Variants in CNOT4 observed in about 807,000 individuals in gnomAD.
The protein encoded by CNOT4 is CCR4-NOT transcription complex subunit 4, also known as CCR4-associated factor 4.
In CNOT4, 8 loss-of-function variants were observed where a neutral mutation model predicts 73.8. That is an observed-to-expected ratio of 0.11 (90% CI 0.06 to 0.20). The LOEUF (loss-of-function observed/expected upper bound fraction) is 0.20, where lower values mean the gene tolerates loss of function less well. Among genes scored for constraint, CNOT4 ranks in the 10% least tolerant of loss-of-function variants. The pLI is 1.00. For missense variants in CNOT4, 564 were observed against 883.4 expected (o/e 0.64, Z 4.58); for synonymous variants, 293 against 321.1 (o/e 0.91, Z 0.94).
At chr7:135,495,748 A>G (rs940146156) in intron 1 of CNOT4, among the ~76,000 whole-genome samples, 31 of 129,246 alleles carry the variant, frequency 2.4e-4, no homozygotes, top group Admixed American at 5.4e-4. Context: ...GAAAGAAAGA[A>G]AGAAAGAAAG....
rs147242152 is a variant in CNOT4, at chr7:135,441,973, A to G, written c.-92-3550T>C. ...GAAGCCAGCTGCCAAAAGTAATCTC[A>G]TAAATGGTAAAAGGTAGGAGGAGGG... On this transcript the variant is annotated intron_variant, in intron 1 of 11. Coordinates refer to ENST00000541284, the MANE Select transcript of CNOT4 (RefSeq NM_001190850.2). Among the ~76,000 whole-genome samples, 6 of 152,058 alleles carry G rather than the reference A, an allele frequency of 3.9e-5. No individual in the cohort carries two copies. The East Asian group carries it at 1.2e-3, about 29-fold the overall frequency.
At chr7:135,427,809 A>C (rs1798590768) in intron 2 of CNOT4, among the ~76,000 whole-genome samples, 1 of 152,146 alleles carries the variant, frequency 6.6e-6, no homozygotes, top group African/African-American at 2.4e-5. Flanking sequence ...TACTGGAAAA[A>C]TCCCAAGCCA....
intron 1 of CNOT4, among the ~76,000 whole-genome samples, chr7:135,506,959 G>C (rs1038983823): frequency 7.2e-5 from 11 of 152,062 alleles, no homozygotes; most frequent in South Asian, 6.2e-4. Context: ...TCCTTTTAAA[G>C]CCAAGATTAG....
intron 1 of CNOT4, among the ~76,000 whole-genome samples, chr7:135,447,743 T>C (rs911380097): frequency 6.6e-6 from 1 of 152,096 alleles, no homozygotes; most frequent in Non-Finnish European, 1.5e-5. Flanking sequence ...TTGGAAGAGA[T>C]TCAAAATACA....
chr7:135,425,976 C>T (rs1309996375), intron 2 of CNOT4, among the ~76,000 whole-genome samples: 2 of 151,926 alleles, frequency 1.3e-5, no homozygotes, highest in Non-Finnish European at 2.9e-5. Context: ...ACCTGTAATT[C>T]CAGCACTTAG....
At chr7:135,401,686 C>T (rs1176664666) in intron 7 of CNOT4, among the ~76,000 whole-genome samples, 2 of 152,024 alleles carry the variant, frequency 1.3e-5, no homozygotes, top group East Asian at 3.8e-4. Context: ...CCAATTCTAT[C>T]CTCAAGGATA....
At chr7:135,400,075 A>G (rs1796921206) in intron 7 of CNOT4, among the ~76,000 whole-genome samples, 1 of 152,138 alleles carries the variant, frequency 6.6e-6, no homozygotes, top group Admixed American at 6.5e-5. Flanking sequence ...TTCAAATTTA[A>G]GTAGGTCCTT....
rs142666006 is a variant in CNOT4, at chr7:135,453,173, T to A, written c.-92-14750A>T. Among the ~76,000 whole-genome samples the A allele has an allele frequency of 2.4e-3, 363 of 152,288 alleles. 1 individual carries two copies. The highest frequency in any genetic ancestry group is 3.9e-3 in the Non-Finnish European group (265 of 68,020). On this transcript the variant is annotated intron_variant, in intron 1 of 11. Coordinates refer to ENST00000541284, the MANE Select transcript of CNOT4 (RefSeq NM_001190850.2). ...TATAAATTAGTCTTTTTAGAGATACTTCTGTACATCAATTTACAGTATACC... is the reference window on the plus strand; with the variant it reads ...TATAAATTAGTCTTTTTAGAGATACATCTGTACATCAATTTACAGTATACC...
intron 10 of CNOT4, among the ~76,000 whole-genome samples, chr7:135,370,292 A>G (rs538563417): frequency 6.6e-6 from 1 of 151,038 alleles, no homozygotes; most frequent in South Asian, 2.1e-4. Context: ...AAACAACAAC[A>G]ACAAAAAAGG....
At chr7:135,487,013 C>CAAAA (rs936131514) in intron 1 of CNOT4, among the ~76,000 whole-genome samples, 2 of 152,052 alleles carry the variant, frequency 1.3e-5, no homozygotes, top group Non-Finnish European at 2.9e-5. Flanking sequence ...ATTAAGCATC[C>CAAAA]AAAAATGTGA....
chr7:135,386,921 T>G (rs1162798899), intron 10 of CNOT4: 1 of 209,862 alleles, frequency 4.8e-6, no homozygotes, highest in Admixed American at 6.5e-5. Context: ...CAAATGGCAC[T>G]AACCACTTGC....
intron 1 of CNOT4, among the ~76,000 whole-genome samples, chr7:135,495,662 C>T (rs560694621): frequency 1.9e-5 from 2 of 107,160 alleles, no homozygotes; most frequent in South Asian, 3.1e-4. Flanking sequence ...AGAGTGAGAC[C>T]CTGTGTCAAA....
intron 8 of CNOT4, 133 bp downstream of exon 8, chr7:135,398,036 G>A: frequency 1.5e-6 from 1 of 663,194 alleles, no homozygotes; most frequent in South Asian, 1.7e-5. Flanking sequence ...ATTATAATAT[G>A]ATTAATAAAG....
At chr7:135,370,803 G>A (rs527928295) in intron 10 of CNOT4, among the ~76,000 whole-genome samples, 8 of 152,306 alleles carry the variant, frequency 5.3e-5, no homozygotes, top group Non-Finnish European at 1.0e-4. Flanking sequence ...CTGAATGCAG[G>A]AGGAGTAAGT....
At chr7:135,456,696 G>A (rs190592674) in intron 1 of CNOT4, among the ~76,000 whole-genome samples, 20 of 152,058 alleles carry the variant, frequency 1.3e-4, no homozygotes, top group African/African-American at 4.8e-4. Context: ...CTCGGTAAAT[G>A]CTATATAAAC....
intron 1 of CNOT4, among the ~76,000 whole-genome samples, chr7:135,466,171 T>G (rs1288292994): frequency 6.6e-6 from 1 of 151,532 alleles, no homozygotes; most frequent in East Asian, 2.0e-4. Context: ...AAGTTAAAAT[T>G]TTTTTTAAAT....
At chr7:135,402,936 T>G (rs1451463066) in intron 7 of CNOT4, among the ~76,000 whole-genome samples, 6 of 152,086 alleles carry the variant, frequency 3.9e-5, no homozygotes, top group African/African-American at 9.7e-5. Flanking sequence ...ATTTGCAACA[T>G]AAACCAATTA....
intron 7 of CNOT4, among the ~76,000 whole-genome samples, chr7:135,403,848 C>T (rs1031200745): frequency 2.6e-5 from 4 of 152,156 alleles, no homozygotes; most frequent in Admixed American, 1.3e-4. Context: ...TCAAAAACAG[C>T]AAGTCTCCAC....
intron 10 of CNOT4, among the ~76,000 whole-genome samples, chr7:135,378,149 T>C (rs1055077790): frequency 1.3e-5 from 2 of 152,212 alleles, no homozygotes; most frequent in African/African-American, 4.8e-5. Flanking sequence ...GCATTAGTCG[T>C]TCCCCAATCT....
Sources: allele counts gnomAD v4.1 joint callset (sites outside exome capture counted in the v4.1 genomes callset), GRCh38; gene constraint gnomAD v4.1.1; transcripts MANE v1.5; gene names NCBI Gene and HGNC (gene_info 2026-07-23, HGNC 2026-07-21).